HCN1: variants seen among roughly 807,000 people sequenced by gnomAD.
HCN1 encodes the protein hyperpolarization activated cyclic nucleotide gated potassium channel 1, also known as potassium/sodium hyperpolarization-activated cyclic nucleotide-gated channel 1.
HCN1 carries 13 observed loss-of-function variants against 78.9 expected under a neutral mutation model. The ratio of observed to expected loss-of-function variants is 0.16; its 90% CI spans 0.11 to 0.26. The LOEUF (loss-of-function observed/expected upper bound fraction) is 0.26, where lower values mean the gene tolerates loss of function less well. Ranked by LOEUF, HCN1 falls within the 10% of genes least tolerant of loss-of-function variation. The pLI, the probability that HCN1 is intolerant of heterozygous loss-of-function variation, is 1.00. For missense variants in HCN1, 810 were observed against 1,154.3 expected (o/e 0.70, Z 4.32); for synonymous variants, 552 against 455.5 (o/e 1.21, Z -2.70).
At chr5:45,686,754 C>T (rs1739817337) in intron 1 of HCN1, among the ~76,000 whole-genome samples, 1 of 152,180 alleles carries the variant, frequency 6.6e-6, no homozygotes, top group African/African-American at 2.4e-5. Context: ...TTATCAAATG[C>T]TGATATCCAT....
intron 3 of HCN1, among the ~76,000 whole-genome samples, chr5:45,457,661 A>G (rs1741056578): frequency 6.6e-6 from 1 of 152,164 alleles, no homozygotes; most frequent in Admixed American, 6.6e-5. Context: ...AAATTTATTT[A>G]GCTCACAGTC....
chr5:45,323,255 A>G (rs1746160205), intron 5 of HCN1, among the ~76,000 whole-genome samples: 1 of 151,892 alleles, frequency 6.6e-6, no homozygotes, highest in Non-Finnish European at 1.5e-5. Context: ...AATATAAACT[A>G]TCTCACGAAT....
At chr5:45,536,625 A>T (rs1407757058) in intron 2 of HCN1, among the ~76,000 whole-genome samples, 1 of 152,088 alleles carries the variant, frequency 6.6e-6, no homozygotes, top group Non-Finnish European at 1.5e-5. Context: ...CTTCTCTAAC[A>T]TTCTTGTGTG....
intron 5 of HCN1, among the ~76,000 whole-genome samples, chr5:45,333,879 T>A (rs1746397523): frequency 6.6e-6 from 1 of 151,820 alleles, no homozygotes; most frequent in Non-Finnish European, 1.5e-5. Flanking sequence ...TGCCATCATT[T>A]GTTATTGCCT....
intron 6 of HCN1, among the ~76,000 whole-genome samples, chr5:45,287,630 A>T (rs1323965874): frequency 6.6e-6 from 1 of 152,098 alleles, no homozygotes; most frequent in Admixed American, 6.6e-5. Context: ...GGAAATTAGA[A>T]TTTTCAAAGT....
intron 5 of HCN1, among the ~76,000 whole-genome samples, chr5:45,352,120 C>T (rs1746917501): frequency 6.6e-6 from 1 of 152,106 alleles, no homozygotes; most frequent in Non-Finnish European, 1.5e-5. Flanking sequence ...AGACTTGGAA[C>T]CAACCCAAAT....
At chr5:45,545,461 A>G (rs1170706017) in intron 2 of HCN1, among the ~76,000 whole-genome samples, 1 of 151,948 alleles carries the variant, frequency 6.6e-6, no homozygotes, top group African/African-American at 2.4e-5. Context: ...ATTAGATCCC[A>G]TTTGTCAATT....
intron 4 of HCN1, among the ~76,000 whole-genome samples, chr5:45,362,991 T>C (rs547695502): frequency 9.9e-5 from 15 of 151,220 alleles, no homozygotes; most frequent in African/African-American, 3.1e-4. Context: ...TCTATTTCAC[T>C]AATAATACTC....
chr5:45,451,270 T>G (rs1740912802), intron 3 of HCN1, among the ~76,000 whole-genome samples: 1 of 152,108 alleles, frequency 6.6e-6, no homozygotes, highest in African/African-American at 2.4e-5. Flanking sequence ...CTTTTTAATA[T>G]TTTTCAAAAG....
At chr5:45,406,779 A>G (rs1430378150) in intron 3 of HCN1, among the ~76,000 whole-genome samples, 1 of 152,190 alleles carries the variant, frequency 6.6e-6, no homozygotes, top group Non-Finnish European at 1.5e-5. Flanking sequence ...TTATACCTTA[A>G]GGACATTTAG....
rs920701498 is a variant in HCN1 at position 45,303,742 on chromosome 5, C to T, written c.1475G>A (p.Arg492Lys). The T allele has an allele frequency of 6.2e-7, 1 of 1,613,668 alleles. No individual in the cohort carries two copies. Among genetic ancestry groups the T allele is most frequent in the African/African-American group, 1.3e-5 (1 of 74,982 alleles). ...ATCTCCAGGTTGAAACACCTCAAAT[C>T]TCAACTTGCTCAGCATGGCAGTCAC... ...NFVTAMLSKL[R>K]FEVFQPGDYI... is the part of the protein sequence containing the mutation. Residue 492 changes from arginine (R) to lysine (K), a missense_variant, in exon 6 of 8, where the codon AGA becomes AAA. Physicochemically the swap from Arg to Lys is conservative, Grantham distance 26. Coordinates refer to ENST00000303230, the MANE Select transcript of HCN1 (RefSeq NM_021072.4).
intron 2 of HCN1, among the ~76,000 whole-genome samples, chr5:45,585,357 G>A (rs542773526): frequency 5.3e-5 from 8 of 152,164 alleles, no homozygotes; most frequent in South Asian, 4.1e-4. Flanking sequence ...TGTAGTTCTC[G>A]TGCCATGGTT....
intron 2 of HCN1, chr5:45,557,813 T>C (rs1481698314): frequency 6.6e-6 from 1 of 152,148 alleles, no homozygotes; most frequent in African/African-American, 2.4e-5. Flanking sequence ...GTGTGTGCTC[T>C]GACTGCTGCA....
intron 1 of HCN1, among the ~76,000 whole-genome samples, chr5:45,688,448 A>G (rs1739849145): frequency 6.6e-6 from 1 of 152,124 alleles, no homozygotes; most frequent in Non-Finnish European, 1.5e-5. Flanking sequence ...TGGGGCACAT[A>G]CTTGCAGGTG....
At chr5:45,455,697 A>G (rs1741014987) in intron 3 of HCN1, among the ~76,000 whole-genome samples, 2 of 150,652 alleles carry the variant, frequency 1.3e-5, no homozygotes, top group Admixed American at 6.6e-5. Context: ...ATGTTTCTGT[A>G]CAAACGAGTT....
intron 1 of HCN1, among the ~76,000 whole-genome samples, chr5:45,664,781 T>A (rs1746000999): frequency 1.3e-5 from 2 of 152,022 alleles, no homozygotes; most frequent in East Asian, 3.9e-4. Flanking sequence ...ATGGCAATCA[T>A]TAAAAAGTCA....
chr5:45,358,487 T>C (rs1215917450), intron 4 of HCN1, among the ~76,000 whole-genome samples: 1 of 152,084 alleles, frequency 6.6e-6, no homozygotes, highest in African/African-American at 2.4e-5. Context: ...ATCACCATTC[T>C]GGTCAAAGCT....
At chr5:45,396,402 G>C in intron 4 of HCN1, 90 bp downstream of exon 4, 1 of 888,638 alleles carries the variant, frequency 1.1e-6, no homozygotes, top group Non-Finnish European at 1.8e-6. Flanking sequence ...TTTTTTTATA[G>C]AGGAGATGGT....
rs868681848 is a variant in HCN1 at position 45,260,120 on chromosome 5, G to A, written c.*1801C>T. 2.8e-4 allele frequency: 43 copies of A among 152,336 alleles called. No individual in the cohort carries two copies. Among genetic ancestry groups the A allele is most frequent in the African/African-American group, 1.0e-3 (42 of 41,566 alleles). 9.4% of individuals were successfully genotyped at this position (152,336 alleles called of 1,614,324 possible). A position where few individuals can be genotyped will look rare whatever the true frequency, so the allele number is the denominator to read the frequency against. On this transcript the variant is annotated 3_prime_UTR_variant, in exon 8 of 8. Transcript: ENST00000303230. Reference sequence around the variant, plus strand: ...TAACAGGCAGCAAGGATCCACTTTAGAGTTTCTGCTTTTGTTTTTGTTTTC... The same window carrying A: ...TAACAGGCAGCAAGGATCCACTTTAAAGTTTCTGCTTTTGTTTTTGTTTTC...
Sources: allele counts gnomAD v4.1 joint callset (sites outside exome capture counted in the v4.1 genomes callset), GRCh38; gene constraint gnomAD v4.1.1; transcripts MANE v1.5; gene names NCBI Gene and HGNC (gene_info 2026-07-23, HGNC 2026-07-21).